Variants in CA10 observed in about 807,000 individuals in gnomAD.
CA10 encodes the protein carbonic anhydrase-related protein 10.
In CA10, 14 loss-of-function variants were observed where a neutral mutation model predicts 44.2. That is an observed-to-expected ratio of 0.32 (90% CI 0.21 to 0.50). The LOEUF (loss-of-function observed/expected upper bound fraction) is 0.50. Ranked by LOEUF, CA10 falls within the 20% of genes least tolerant of loss-of-function variation. The probability of loss-of-function intolerance (pLI) is 0.99; values close to 1 mark genes in which losing one functional copy is unlikely to be tolerated. For synonymous variants in CA10, 159 were observed against 141.6 expected, an observed-to-expected ratio of 1.12 and a Z score of -0.87; for missense variants, 350 against 409.7, an observed-to-expected ratio of 0.85 and a Z score of 1.26.
intron 4 of CA10, among the ~76,000 whole-genome samples, chr17:51,685,000 C>T (rs1914960920): frequency 6.6e-6 from 1 of 152,154 alleles, no homozygotes; most frequent in African/African-American, 2.4e-5. Flanking sequence ...ACTTGAACAC[C>T]TTCTTAGGTC....
intron 3 of CA10, among the ~76,000 whole-genome samples, chr17:51,822,710 A>G (rs1241572845): frequency 6.6e-6 from 1 of 152,204 alleles, no homozygotes; most frequent in East Asian, 1.9e-4. Context: ...GAGACACATA[A>G]AAGGGGGCAT....
chr17:52,137,349 T>A (rs1415417409), intron 1 of CA10, among the ~76,000 whole-genome samples: 1 of 152,216 alleles, frequency 6.6e-6, no homozygotes, highest in Non-Finnish European at 1.5e-5. Context: ...ATTACTATTA[T>A]CTGTAACACA....
intron 1 of CA10, among the ~76,000 whole-genome samples, chr17:52,107,793 A>T (rs7224915): frequency 0.63 from 95,913 of 152,050 alleles, 32,189 homozygotes; most frequent in African/African-American, 0.86. Context: ...CAGTCCCTAG[A>T]CACAGTTCAA....
intron 3 of CA10, among the ~76,000 whole-genome samples, chr17:51,792,077 T>C (rs1906540451): frequency 1.3e-5 from 2 of 152,284 alleles, no homozygotes; most frequent in Middle Eastern, 3.4e-3. Context: ...AGATGCTATA[T>C]TGTGTCTACT....
At position 51,686,371 on chromosome 17, in the gene CA10, G is replaced by A. The variant is rs1365883187; in HGVS notation, c.466-32635C>T. ...ACAGGTGCCCTAGGACTTGGGCCTT[G>A]GCTTTCTCTTCTTCAGCCTCACTAT... is the stretch of plus-strand genomic sequence containing the variant. On this transcript the variant is annotated intron_variant, in intron 4 of 8. Transcript: ENST00000451037. Among the ~76,000 whole-genome samples the A allele has an allele frequency of 2.0e-5, 3 of 152,072 alleles. No individual in the cohort carries two copies. The East Asian group carries it at 5.8e-4, about 29-fold the overall frequency.
intron 3 of CA10, among the ~76,000 whole-genome samples, chr17:51,766,230 G>C (rs542992082): frequency 6.6e-5 from 10 of 152,242 alleles, no homozygotes; most frequent in Admixed American, 6.5e-4. Context: ...TGCTGGAATT[G>C]CTTGATTCTA....
chr17:51,843,399 A>G (rs929315899), intron 3 of CA10, among the ~76,000 whole-genome samples: 1 of 152,230 alleles, frequency 6.6e-6, no homozygotes, highest in Non-Finnish European at 1.5e-5. Context: ...TTTTTGTTAC[A>G]CTGGTTTTTG....
intron 3 of CA10, among the ~76,000 whole-genome samples, chr17:51,877,015 T>C (rs1443511057): frequency 6.6e-6 from 1 of 152,232 alleles, no homozygotes; most frequent in Non-Finnish European, 1.5e-5. Flanking sequence ...GAAATTCTCC[T>C]CACTTGAGAA....
intron 3 of CA10, among the ~76,000 whole-genome samples, chr17:51,815,329 G>A (rs1025882618): frequency 9.9e-5 from 15 of 152,158 alleles, no homozygotes; most frequent in South Asian, 2.1e-4. Flanking sequence ...TTTGGGTTGC[G>A]TGTCCAATTA....
intron 3 of CA10, among the ~76,000 whole-genome samples, chr17:51,880,229 C>T (rs1441953284): frequency 1.3e-5 from 2 of 152,164 alleles, no homozygotes; most frequent in Admixed American, 6.6e-5. Context: ...TCCTCCTGAC[C>T]AACCCTGGTA....
intron 2 of CA10, among the ~76,000 whole-genome samples, chr17:51,948,040 G>A (rs762512671): frequency 1.1e-4 from 16 of 152,140 alleles, no homozygotes; most frequent in Admixed American, 3.9e-4. Context: ...CTTGCTAGTT[G>A]TTGTCAAGGT....
At chr17:51,869,974 G>T (rs1305245773) in intron 3 of CA10, among the ~76,000 whole-genome samples, 2 of 152,152 alleles carry the variant, frequency 1.3e-5, no homozygotes, top group Non-Finnish European at 2.9e-5. Flanking sequence ...GGCTTCTCAA[G>T]TTTTAGTGCT....
At chr17:51,932,073 C>T (rs1052259590) in intron 2 of CA10, among the ~76,000 whole-genome samples, 2 of 152,090 alleles carry the variant, frequency 1.3e-5, no homozygotes, top group African/African-American at 4.8e-5. Flanking sequence ...CAGTGAACTC[C>T]TATTTGGCAT....
chr17:51,673,836 C>T (rs1406699358), intron 4 of CA10, among the ~76,000 whole-genome samples: 3 of 152,220 alleles, frequency 2.0e-5, no homozygotes, highest in Non-Finnish European at 4.4e-5. Context: ...GAAAGGCCCA[C>T]CATGACCTCC....
chr17:51,996,681 T>C (rs1432226933), intron 2 of CA10, among the ~76,000 whole-genome samples: 1 of 152,064 alleles, frequency 6.6e-6, no homozygotes, highest in Non-Finnish European at 1.5e-5. Flanking sequence ...AAGAATTTCT[T>C]CCTGACTCCA....
At chr17:51,995,717 A>C (rs1042283301) in intron 2 of CA10, among the ~76,000 whole-genome samples, 1 of 152,080 alleles carries the variant, frequency 6.6e-6, no homozygotes, top group Non-Finnish European at 1.5e-5. Flanking sequence ...ATCCAGGCCT[A>C]AGGATGACTC....
chr17:51,825,067 C>G (rs1208503951), intron 3 of CA10, among the ~76,000 whole-genome samples: 1 of 152,144 alleles, frequency 6.6e-6, no homozygotes, highest in Non-Finnish European at 1.5e-5. Context: ...CTGAATCTAG[C>G]AAGAGGAAGC....
At chr17:51,779,758 A>G (rs1300618074) in intron 3 of CA10, among the ~76,000 whole-genome samples, 1 of 152,184 alleles carries the variant, frequency 6.6e-6, no homozygotes, top group Non-Finnish European at 1.5e-5. Context: ...ATTCAAATTC[A>G]TGGATTTAGG....
Position 51,633,646 on chromosome 17 carries a change from T to C in CA10, c.794A>G (p.His265Arg). ...GTTCTGGCTGAGCAGGCGCAAGGAA[T>C]GCATCTGAGGAGAGAGAAGTGGCCG... The part of the protein sequence containing the change: ...KPVYITRMQM[H>R]SLRLLSQNQP... The change falls in exon 8 of 9, where the codon CAT becomes CGT. Residue 265 changes from histidine to arginine, a missense_variant. By Grantham distance (29) the His-to-Arg change is conservative. Coordinates refer to ENST00000451037, the MANE Select transcript of CA10 (RefSeq NM_020178.5). The C allele has an allele frequency of 6.2e-7, 1 of 1,613,468 alleles. No homozygotes were observed. The highest frequency in any genetic ancestry group is 1.1e-5 in the South Asian group (1 of 90,924).
Sources: allele counts gnomAD v4.1 joint callset (sites outside exome capture counted in the v4.1 genomes callset), GRCh38; gene constraint gnomAD v4.1.1; transcripts MANE v1.5; gene names NCBI Gene and HGNC (gene_info 2026-07-23, HGNC 2026-07-21).